NCBP1: variants seen among roughly 807,000 people sequenced by gnomAD.
NCBP1 encodes the protein nuclear cap-binding protein subunit 1.
A neutral mutation model predicts 111.7 loss-of-function variants in NCBP1; 16 were observed. That is an observed-to-expected ratio of 0.14 (90% confidence interval 0.10 to 0.22). The LOEUF (loss-of-function observed/expected upper bound fraction) is 0.22. Among genes scored for constraint, NCBP1 ranks in the 10% least tolerant of loss-of-function variants. NCBP1 has a pLI of 1.00. For missense variants in NCBP1, 607 were observed against 957.5 expected, an observed-to-expected ratio of 0.63 and a Z score of 4.83; for synonymous variants, 304 against 314.3, an observed-to-expected ratio of 0.97 and a Z score of 0.35.
chr9:97,655,906 T>G (rs1174266332), intron 13 of NCBP1, 105 bp from the exon 14 acceptor site: 1 of 1,356,306 alleles, frequency 7.4e-7, no homozygotes, highest in Non-Finnish European at 1.0e-6. Flanking sequence ...CAATTATAAC[T>G]TAACAAAACT....
At chr9:97,646,390 C>A (rs900379584) in intron 6 of NCBP1, among the ~76,000 whole-genome samples, 1 of 152,122 alleles carries the variant, frequency 6.6e-6, no homozygotes, top group Non-Finnish European at 1.5e-5. Flanking sequence ...GCTTAACTAT[C>A]CAGCAACATG....
At chr9:97,647,899 T>C in intron 7 of NCBP1, 109 bp from the exon 8 acceptor site, 1 of 975,896 alleles carries the variant, frequency 1.0e-6, no homozygotes, top group Non-Finnish European at 1.5e-6. Context: ...TGTACCATCT[T>C]ACAAGTTAGC....
At chr9:97,642,072 A>G (rs1486272634) in intron 3 of NCBP1, among the ~76,000 whole-genome samples, 6 of 152,076 alleles carry the variant, frequency 3.9e-5, no homozygotes, top group Non-Finnish European at 5.9e-5. Flanking sequence ...CACTGTTAAT[A>G]GGCATACTCT....
intron 15 of NCBP1, among the ~76,000 whole-genome samples, chr9:97,659,118 T>A (rs984087505): frequency 1.3e-5 from 2 of 152,274 alleles, no homozygotes; most frequent in African/African-American, 4.8e-5. Flanking sequence ...TGTGGCAGTA[T>A]GCCTTTAAAA....
intron 1 of NCBP1, among the ~76,000 whole-genome samples, chr9:97,636,466 GTATTATATATATTTATA>G (rs1827028710): frequency 7.0e-6 from 1 of 143,876 alleles, no homozygotes; most frequent in East Asian, 2.0e-4. Flanking sequence ...ATAATAGAAT[GTATTATATATATTTATA>G]TATTATATAA....
rs1314401944 is a variant in NCBP1 at position 97,671,361 on chromosome 9, C to T, written c.*162C>T. ...ATGAACATGGCATTACTTTTAATTG[C>T]CCTGAAAAGCAAATACTTCCTAACG... On this transcript the variant is annotated 3_prime_UTR_variant, in exon 23 of 23. Transcript: ENST00000375147. 5 of 553,014 alleles carry T rather than the reference C, an allele frequency of 9.0e-6. No individual in the cohort carries two copies. The highest frequency in any genetic ancestry group is 1.9e-5 in the African/African-American group (1 of 51,838). 34.3% of individuals were successfully genotyped at this position (553,014 alleles called of 1,614,324 possible). A position where few individuals can be genotyped will look rare whatever the true frequency, so the allele number is the denominator to read the frequency against.
intron 1 of NCBP1, chr9:97,636,020 A>G (rs1030537763): frequency 2.0e-5 from 3 of 152,180 alleles, no homozygotes; most frequent in African/African-American, 7.2e-5. Context: ...ATCACTGTCC[A>G]TTTGGGTCTT....
intron 4 of NCBP1, 152 bp downstream of exon 4, chr9:97,643,512 A>G (rs1827256454): frequency 1.3e-6 from 1 of 785,490 alleles, no homozygotes; most frequent in South Asian, 2.1e-5. Flanking sequence ...ATACCCCCAA[A>G]TCTGTAACTG....
intron 11 of NCBP1, 144 bp downstream of exon 11, chr9:97,654,052 T>C: frequency 1.6e-6 from 1 of 616,446 alleles, no homozygotes; most frequent in Non-Finnish European, 2.8e-6. Flanking sequence ...ATGTATGTAC[T>C]TGTATGTCTG....
At chr9:97,651,965 A>G (rs1188373296) in intron 10 of NCBP1, among the ~76,000 whole-genome samples, 9 of 152,240 alleles carry the variant, frequency 5.9e-5, no homozygotes, top group Admixed American at 5.9e-4. Context: ...ATTTATATCA[A>G]AAAACAGTGT....
intron 1 of NCBP1, among the ~76,000 whole-genome samples, chr9:97,636,481 A>AAC (rs1827029912): frequency 6.9e-6 from 1 of 145,642 alleles, no homozygotes. Context: ...ATATATATTT[A>AAC]TATATTATAT....
chr9:97,649,989 A>G (rs909242903), intron 8 of NCBP1, among the ~76,000 whole-genome samples: 2 of 152,166 alleles, frequency 1.3e-5, no homozygotes, highest in African/African-American at 4.8e-5. Context: ...GTCATTATTA[A>G]AGGTTTATTT....
intron 16 of NCBP1, among the ~76,000 whole-genome samples, 198 bp from the exon 17 acceptor site, chr9:97,661,843 CT>C (rs1218266698): frequency 1.5e-5 from 2 of 137,214 alleles, no homozygotes; most frequent in Non-Finnish European, 3.1e-5. Flanking sequence ...TCACATAAAA[CT>C]AAGACTTAAA....
chr9:97,650,200 ACT>A (rs1330281757), intron 8 of NCBP1, among the ~76,000 whole-genome samples: 1 of 152,104 alleles, frequency 6.6e-6, no homozygotes, highest in Non-Finnish European at 1.5e-5. Context: ...TAAAAAATAA[ACT>A]CTGTAAGACT....
Position 97,640,959 on chromosome 9 carries a change from GA to G in NCBP1, c.123+81del, listed in dbSNP as rs2131333937. ...TGTGCTTTGATTAATTTTTGCAGCT[GA>G]AAAGTTGGACTACATTTTGGCAAAG... On this transcript the variant is annotated intron_variant, in intron 2 of 22. Coordinates refer to ENST00000375147, the MANE Select transcript of NCBP1 (RefSeq NM_002486.5). The G allele has an allele frequency of 5.3e-6, 6 of 1,128,030 alleles. No individual in the cohort carries two copies. The South Asian group carries it at 8.1e-5, about 15-fold the overall frequency. 69.9% of individuals were successfully genotyped at this position (1,128,030 alleles called of 1,614,324 possible).
chr9:97,645,348 C>G, intron 5 of NCBP1, 124 bp downstream of exon 5: 1 of 797,998 alleles, frequency 1.3e-6, no homozygotes, highest in East Asian at 2.6e-5. Flanking sequence ...AAAATAACAG[C>G]AGACTATCAC....
At position 97,650,454 on chromosome 9, in the gene NCBP1, G is replaced by C. The variant is rs371277231; in HGVS notation, c.898-49G>C. 5 of 1,372,890 alleles carry C rather than the reference G, an allele frequency of 3.6e-6. No homozygotes were observed. The East Asian group carries it at 1.2e-4, about 32-fold the overall frequency. 85.0% of individuals were successfully genotyped at this position (1,372,890 alleles called of 1,614,324 possible). A position where few individuals can be genotyped will look rare whatever the true frequency, so the allele number is the denominator to read the frequency against. On this transcript the variant is annotated intron_variant, in intron 8 of 22. Coordinates refer to ENST00000375147, the MANE Select transcript of NCBP1 (RefSeq NM_002486.5). ...TCAAATATTTGTTGAATAAGTAAAAGAAATCTGTTTTCTAGGCCTGTAGTG... is the reference window on the plus strand; with the variant it reads ...TCAAATATTTGTTGAATAAGTAAAACAAATCTGTTTTCTAGGCCTGTAGTG...
intron 9 of NCBP1, 143 bp downstream of exon 9, chr9:97,650,743 T>G (rs571496993): frequency 1.4e-4 from 87 of 640,726 alleles, no homozygotes; most frequent in Admixed American, 1.1e-3. Flanking sequence ...CTAAAAACAC[T>G]TGCTTTACTT....
At chr9:97,657,491 TG>T (rs2131353081) in intron 14 of NCBP1, among the ~76,000 whole-genome samples, 1 of 152,348 alleles carries the variant, frequency 6.6e-6, no homozygotes, top group East Asian at 1.9e-4. Flanking sequence ...TTCCCACCAC[TG>T]GTGATGTTAA....
Sources: allele counts gnomAD v4.1 joint callset (sites outside exome capture counted in the v4.1 genomes callset), GRCh38; gene constraint gnomAD v4.1.1; transcripts MANE v1.5; gene names NCBI Gene and HGNC (gene_info 2026-07-23, HGNC 2026-07-21).